PRKG1: variants seen among roughly 807,000 people sequenced by gnomAD.
PRKG1 encodes protein kinase cGMP-dependent 1, also known as cGMP-dependent protein kinase 1.
In PRKG1, 35 loss-of-function variants were observed where a neutral mutation model predicts 88.1. The observed-to-expected ratio is 0.40, with a 90% CI of 0.30 to 0.53. The LOEUF (loss-of-function observed/expected upper bound fraction) is 0.53, where lower values mean the gene tolerates loss of function less well. Ranked by LOEUF, PRKG1 falls within the 20% of genes least tolerant of loss-of-function variation. The pLI, the probability that PRKG1 is intolerant of heterozygous loss-of-function variation, is 0.59. For synonymous variants in PRKG1, 303 were observed against 292.5 expected (o/e 1.04, Z -0.37); for missense variants, 540 against 839.8 (o/e 0.64, Z 4.41).
chr10:51,149,193 T>A (rs1846005922), intron 1 of PRKG1, among the ~76,000 whole-genome samples: 1 of 152,104 alleles, frequency 6.6e-6, no homozygotes, highest in Admixed American at 6.6e-5. Context: ...ATAATCTTTA[T>A]TTCAGAGAGG....
At chr10:52,242,764 C>T (rs935026353) in intron 9 of PRKG1, among the ~76,000 whole-genome samples, 1 of 152,016 alleles carries the variant, frequency 6.6e-6, no homozygotes, top group South Asian at 2.1e-4. Context: ...GGTATGGTGG[C>T]ATGTGCCTGT....
intron 3 of PRKG1, among the ~76,000 whole-genome samples, chr10:51,767,697 A>G (rs1564638977): frequency 6.6e-6 from 1 of 152,186 alleles, no homozygotes; most frequent in Non-Finnish European, 1.5e-5. Flanking sequence ...AAGCTTCAGC[A>G]TATGAAAATA....
chr10:52,184,080 C>T (rs981435872), intron 9 of PRKG1, among the ~76,000 whole-genome samples: 13 of 152,296 alleles, frequency 8.5e-5, no homozygotes, highest in Admixed American at 1.3e-4. Context: ...CCCTTTGACA[C>T]TCCAATGAAA....
At chr10:51,425,451 T>C (rs767104502) in intron 2 of PRKG1, among the ~76,000 whole-genome samples, 3 of 152,198 alleles carry the variant, frequency 2.0e-5, no homozygotes, top group Non-Finnish European at 2.9e-5. Flanking sequence ...ATCAAGCCAG[T>C]TGACATGGTG....
At chr10:51,375,154 T>G (rs1842792001) in intron 2 of PRKG1, among the ~76,000 whole-genome samples, 1 of 152,244 alleles carries the variant, frequency 6.6e-6, no homozygotes, top group Non-Finnish European at 1.5e-5. Flanking sequence ...CATATCAGGA[T>G]GTAGAGATAA....
chr10:51,656,138 A>G (rs1309849845), intron 3 of PRKG1, among the ~76,000 whole-genome samples: 1 of 152,204 alleles, frequency 6.6e-6, no homozygotes, highest in Non-Finnish European at 1.5e-5. Flanking sequence ...AATAGATTAT[A>G]CAACTTTTTC....
At chr10:51,013,121 A>T (rs114562668) in intron 1 of PRKG1, among the ~76,000 whole-genome samples, 1,889 of 152,338 alleles carry the variant, frequency 0.012, 37 homozygotes, top group African/African-American at 0.042. Flanking sequence ...GGTTAAGAAC[A>T]TGAACCAAGG....
At chr10:51,951,917 GAGTAAT>G (rs1843194275) in intron 5 of PRKG1, among the ~76,000 whole-genome samples, 1 of 152,092 alleles carries the variant, frequency 6.6e-6, no homozygotes, top group African/African-American at 2.4e-5. Flanking sequence ...ATCAAAAGAA[GAGTAAT>G]AGTTCATGCC....
chr10:52,068,028 C>T (rs1347896876), intron 7 of PRKG1, among the ~76,000 whole-genome samples: 1 of 138,044 alleles, frequency 7.2e-6, no homozygotes, highest in African/African-American at 2.6e-5. Flanking sequence ...CACGGTGAAA[C>T]CCCGTCTCTA....
At chr10:51,129,949 A>G (rs1378155896) in intron 1 of PRKG1, among the ~76,000 whole-genome samples, 1 of 152,110 alleles carries the variant, frequency 6.6e-6, no homozygotes, top group Non-Finnish European at 1.5e-5. Context: ...GGTGTGGAGG[A>G]TAGAGAGACC....
intron 3 of PRKG1, among the ~76,000 whole-genome samples, chr10:51,713,521 G>A (rs1841811078): frequency 1.3e-5 from 2 of 152,122 alleles, no homozygotes; most frequent in South Asian, 4.1e-4. Flanking sequence ...GAAAAGTAAA[G>A]CAGAAGAGGT....
intron 8 of PRKG1, among the ~76,000 whole-genome samples, chr10:52,154,626 A>G (rs1226650976): frequency 6.6e-6 from 1 of 152,040 alleles, no homozygotes; most frequent in Non-Finnish European, 1.5e-5. Flanking sequence ...CTCTTTTTAC[A>G]CCCTTTATTA....
intron 1 of PRKG1, among the ~76,000 whole-genome samples, chr10:51,084,214 G>A (rs903675079): frequency 6.6e-5 from 10 of 152,196 alleles, no homozygotes; most frequent in African/African-American, 2.4e-4. Context: ...AGTGCATTTG[G>A]TTATTGCGCG....
intron 2 of PRKG1, among the ~76,000 whole-genome samples, chr10:51,426,260 G>A (rs1247608086): frequency 4.6e-5 from 7 of 152,184 alleles, no homozygotes; most frequent in African/African-American, 9.6e-5. Flanking sequence ...CAGCCTGGGC[G>A]ACAGAGCAAG....
In PRKG1 at chr10:51,697,836, G is replaced by C. The variant is rs377153752; in HGVS notation, c.593-106749G>C. The C allele has an allele frequency of 2.2e-5, 35 of 1,614,046 alleles. No homozygotes were observed. The highest frequency in any genetic ancestry group is 2.7e-5 in the African/African-American group (2 of 74,926). ...ATCAAAGCTGCCTTCTCCTGATCCT[G>C]TGGAGTGACCTGGCTCTGCCCAGGA... is the stretch of plus-strand genomic sequence containing the variant. On this transcript the variant is annotated intron_variant, in intron 3 of 17. Coordinates refer to ENST00000373980, the MANE Select transcript of PRKG1 (RefSeq NM_006258.4).
At chr10:51,015,083 C>A (rs928437479) in intron 1 of PRKG1, among the ~76,000 whole-genome samples, 2 of 152,180 alleles carry the variant, frequency 1.3e-5, no homozygotes, top group Non-Finnish European at 2.9e-5. Context: ...AAAAACCACA[C>A]CCATATTTCT....
At chr10:51,363,393 C>T (rs1031970099) in intron 2 of PRKG1, among the ~76,000 whole-genome samples, 3 of 151,476 alleles carry the variant, frequency 2.0e-5, no homozygotes, top group Non-Finnish European at 4.4e-5. Context: ...TTTGATATTG[C>T]GAGGAGAAGA....
chr10:51,496,082 G>A (rs1434855031), intron 3 of PRKG1, among the ~76,000 whole-genome samples: 1 of 152,102 alleles, frequency 6.6e-6, no homozygotes, highest in East Asian at 1.9e-4. Context: ...ACTCTTTGTA[G>A]CAAACAAAGA....
intron 3 of PRKG1, among the ~76,000 whole-genome samples, chr10:51,472,957 G>T (rs746228652): frequency 4.0e-5 from 6 of 151,880 alleles, no homozygotes; most frequent in Non-Finnish European, 5.9e-5. Context: ...TTAAGTTTGG[G>T]CCAATGATGA....
Sources: gnomAD v4.1 joint callset for allele counts (sites outside exome capture counted in the v4.1 genomes callset) on GRCh38, gnomAD v4.1.1 for gene constraint, MANE v1.5 for transcripts, NCBI Gene and HGNC (gene_info 2026-07-23, HGNC 2026-07-21) for gene names.